OR2T11: variants seen among roughly 807,000 people sequenced by gnomAD.
OR2T11 encodes the protein olfactory receptor family 2 subfamily T member 11, also known as olfactory receptor 2T11.
Under a neutral mutation model 13.5 loss-of-function variants are expected in OR2T11, and 14 were observed. That is an observed-to-expected ratio of 1.04 (90% CI 0.69 to 1.62). The LOEUF (loss-of-function observed/expected upper bound fraction) is 1.62. Among genes scored for constraint, OR2T11 ranks in the 40% most tolerant of loss-of-function variants. The pLI is 0.00. For missense variants in OR2T11, 410 were observed against 389.7 expected (o/e 1.05, Z -0.44); for synonymous variants, 163 against 154.6 (o/e 1.05, Z -0.40).
chr1:248,627,261 C>G lies in OR2T11; in HGVS notation c.-133G>C, dbSNP rs865922528. The G allele has an allele frequency of 9.9e-5, 59 of 597,838 alleles. 6 individuals are homozygous for G. In the Middle Eastern group the frequency reaches 1.7e-3, roughly 17 times the overall value. The allele number at this position is 597,838 out of a possible 1,614,324, so 37.0% of individuals were successfully genotyped here. A position where few individuals can be genotyped will look rare whatever the true frequency, so the allele number is the denominator to read the frequency against. On this transcript the variant is annotated 5_prime_UTR_variant, in exon 2 of 2. Coordinates refer to ENST00000641193, the MANE Select transcript of OR2T11 (RefSeq NM_001001964.2). ...TGAGGGTACCGTCAGGATGAAGCTT[C>G]CAGGCTAGAGGCTAGAGAAGAACAG...
Position 248,626,614 on chromosome 1 carries a change from TTGA to T in OR2T11, c.512_514del (p.Ile171del). 6.4e-7 allele frequency: 1 copy of T among 1,573,414 alleles called. No individual in the cohort carries two copies. The highest frequency in any genetic ancestry group is 8.6e-7 in the Non-Finnish European group (1 of 1,156,842). The stretch of plus-strand genomic sequence containing the variant: ...TGCTGGGATCTCACAGAAAAAATGG[TTGA>T]TACTTCGGGAGCCACAGTAAGGGAC... On this transcript the variant is annotated inframe_deletion, in exon 2 of 2. Transcript: ENST00000641193.
At position 248,634,846 on chromosome 1, in the gene OR2T11, CTAAT is replaced by C. The variant is rs936977880; in HGVS notation, c.-145+188_-145+191del. 4.2e-5 allele frequency among the ~76,000 whole-genome samples: 6 copies of C among 143,992 alleles called. 1 individual carries two copies. The highest frequency in any genetic ancestry group is 1.4e-4 in the African/African-American group (5 of 36,730). The allele number at this position is 143,992 out of a possible 152,430, so 94.5% of individuals were successfully genotyped here. A position where few individuals can be genotyped will look rare whatever the true frequency, so the allele number is the denominator to read the frequency against. ...TTTTTCCTTTATGCTAAATAATTAT[CTAAT>C]TATCTTCAGTTTCTCTGATCATTCC... On this transcript the variant is annotated intron_variant, in intron 1 of 1. Transcript: ENST00000641193.
In OR2T11 at chr1:248,630,057, T is replaced by TGTAA. The variant is rs750010257; in HGVS notation, c.-144-2789_-144-2786dup. On this transcript the variant is annotated intron_variant, in intron 1 of 1. Coordinates refer to ENST00000641193, the MANE Select transcript of OR2T11 (RefSeq NM_001001964.2). ...CCATCTAAAGATACGACTGGCACAT[T>TGTAA]GTAAATCTTTGAATAAATCATTTTT... Among the ~76,000 whole-genome samples the TGTAA allele has an allele frequency of 2.9e-4, 42 of 143,094 alleles. 6 individuals carry two copies. The highest frequency in any genetic ancestry group is 5.7e-4 in the Non-Finnish European group (38 of 66,238). The allele number at this position is 143,094 out of a possible 152,430, so 93.9% of individuals were successfully genotyped here.
intron 1 of OR2T11, among the ~76,000 whole-genome samples, chr1:248,629,463 G>A (rs28729754): frequency 0.8 from 110,886 of 139,476 alleles, 48,867 homozygotes; most frequent in South Asian, 0.94. Flanking sequence ...CATGTCCATA[G>A]CTAGTAGGTG....
intron 1 of OR2T11, among the ~76,000 whole-genome samples, chr1:248,628,591 C>G (rs1237542405): frequency 1.4e-5 from 2 of 142,552 alleles, no homozygotes; most frequent in African/African-American, 5.6e-5. Context: ...AAAGGGTTCA[C>G]TGTACATCTG....
At position 248,627,187 on chromosome 1, in the gene OR2T11, AAG is replaced by A; in HGVS notation, c.-61_-60del. 9.9e-7 allele frequency: 1 copy of A among 1,008,598 alleles called. No homozygotes were observed. The highest frequency in any genetic ancestry group is 1.5e-6 in the Non-Finnish European group (1 of 671,336). The allele number at this position is 1,008,598 out of a possible 1,614,324, so 62.5% of individuals were successfully genotyped here. A position where few individuals can be genotyped will look rare whatever the true frequency, so the allele number is the denominator to read the frequency against. On this transcript the variant is annotated 5_prime_UTR_variant, in exon 2 of 2. Transcript: ENST00000641193. ...AAGACACAAGGACCAGGAAGGAGGCAAGAGAACACGGTCAAGATGGGAAAGGT... is the reference window on the plus strand; with the variant it reads ...AAGACACAAGGACCAGGAAGGAGGCAAGAACACGGTCAAGATGGGAAAGGT...
intron 1 of OR2T11, among the ~76,000 whole-genome samples, chr1:248,630,802 C>T (rs1660599329): frequency 7.0e-6 from 1 of 143,410 alleles, no homozygotes; most frequent in South Asian, 2.2e-4. Context: ...ATGTCTGGAA[C>T]CGATGAATAT....
rs1340427495 is a variant in OR2T11 at position 248,626,418 on chromosome 1, AGTG to A, written c.708_710del (p.Thr237del). ...TAACTACAGTCAAGTGGGAGGAACA[AGTG>A]GTGAAGGCCTTTTTGCGACCTTCAG... On this transcript the variant is annotated inframe_deletion, in exon 2 of 2. Transcript: ENST00000641193. 1.7e-5 allele frequency: 26 copies of A among 1,571,796 alleles called. 6 individuals carry two copies. In the East Asian group the frequency reaches 4.1e-4, roughly 25 times the overall value.
At chr1:248,632,551 A>G (rs4359056) in intron 1 of OR2T11, among the ~76,000 whole-genome samples, 128,353 of 136,640 alleles carry the variant, frequency 0.94, 62,022 homozygotes, top group East Asian at 1. Flanking sequence ...GATTATTCAC[A>G]ACTTGAGCCA....
At chr1:248,630,168 T>C (rs2103102966) in intron 1 of OR2T11, among the ~76,000 whole-genome samples, 1 of 143,378 alleles carries the variant, frequency 7.0e-6, no homozygotes, top group Non-Finnish European at 1.5e-5. Flanking sequence ...CTCCTGATTT[T>C]ATATAATGTG....
At position 248,626,407 on chromosome 1, in the gene OR2T11, TG is replaced by T; in HGVS notation, c.721del (p.His241ThrfsTer2). On this transcript the variant is annotated frameshift_variant, in exon 2 of 2. Transcript: ENST00000641193. LOFTEE classifies it high-confidence loss of function. ...RKKAFTTCSS[H>X]LTVVSIFYGA... ...ATAGAAGATGCTAACTACAGTCAAG[TG>T]GGAGGAACAAGTGGTGAAGGCCTTT... 6.4e-7 allele frequency: 1 copy of T among 1,571,418 alleles called. No homozygotes were observed. The highest frequency in any genetic ancestry group is 1.1e-5 in the South Asian group (1 of 88,858).
Position 248,624,481 on chromosome 1 carries a change from G to C in OR2T11, c.*1697C>G, listed in dbSNP as rs1312292149. ...CTTATTTCAACCATAGACTGCACTT[G>C]TTGCAGTTGCTTTTACTTTCTTTAA... On this transcript the variant is annotated 3_prime_UTR_variant, in exon 2 of 2. Transcript: ENST00000641193. 7.0e-6 allele frequency: 1 copy of C among 143,016 alleles called. No individual in the cohort carries two copies. Among genetic ancestry groups the C allele is most frequent in the Non-Finnish European group, 1.5e-5 (1 of 66,250 alleles). The allele number at this position is 143,016 out of a possible 1,614,324, so 8.9% of individuals were successfully genotyped here. A position where few individuals can be genotyped will look rare whatever the true frequency, so the allele number is the denominator to read the frequency against.
chr1:248,631,583 A>AAC (rs1660616250), intron 1 of OR2T11, among the ~76,000 whole-genome samples: 1 of 143,584 alleles, frequency 7.0e-6, no homozygotes, highest in South Asian at 2.2e-4. Flanking sequence ...AAAGGCCATA[A>AAC]ACACACCCAA....
At chr1:248,629,745 G>T (rs868133403) in intron 1 of OR2T11, among the ~76,000 whole-genome samples, 2 of 140,988 alleles carry the variant, frequency 1.4e-5, no homozygotes, top group African/African-American at 5.7e-5. Context: ...CTGCAGCGAC[G>T]GTGGCTTCCT....
chr1:248,634,770 T>A (rs1473431432), intron 1 of OR2T11, among the ~76,000 whole-genome samples: 218 of 143,050 alleles, frequency 1.5e-3, no homozygotes, highest in Middle Eastern at 6.9e-3. Flanking sequence ...TTGACAGGGA[T>A]GTTCTGTCAC....
chr1:248,634,921 G>A (rs1330000020), intron 1 of OR2T11, 117 bp downstream of exon 1: 1 of 144,658 alleles, frequency 6.9e-6, no homozygotes, highest in Non-Finnish European at 1.5e-5. Context: ...CAGTTAATAA[G>A]GTATGTAATA....
rs1284183301 is a variant in OR2T11 at position 248,625,941 on chromosome 1, A to ATTT, written c.*236_*237insAAA. On this transcript the variant is annotated 3_prime_UTR_variant, in exon 2 of 2. Transcript: ENST00000641193. The stretch of plus-strand genomic sequence containing the variant: ...ATTTGGGGTTTTTCTTCCCTAAATA[A>ATTT]AAAGACTAGATAAATTATTTAACTT... The ATTT allele has an allele frequency of 6.1e-5, 20 of 329,420 alleles. No homozygotes were observed. Among genetic ancestry groups the ATTT allele is most frequent in the Non-Finnish European group, 9.2e-5 (17 of 184,878 alleles). 20.4% of individuals were successfully genotyped at this position (329,420 alleles called of 1,614,324 possible).
At chr1:248,633,129 G>A (rs1660635188) in intron 1 of OR2T11, among the ~76,000 whole-genome samples, 1 of 104,710 alleles carries the variant, frequency 9.6e-6, no homozygotes, top group African/African-American at 4.1e-5. Context: ...AGATGAGTGG[G>A]CAATTTATTA....
Position 248,633,509 on chromosome 1 carries a change from G to A in OR2T11, c.-145+1529C>T, listed in dbSNP as rs575352701. Among the ~76,000 whole-genome samples the A allele has an allele frequency of 5.7e-5, 8 of 140,646 alleles. 1 individual carries two copies. Among genetic ancestry groups the A allele is most frequent in the Non-Finnish European group, 1.1e-4 (7 of 65,572 alleles). 92.3% of individuals were successfully genotyped at this position (140,646 alleles called of 152,430 possible). A position where few individuals can be genotyped will look rare whatever the true frequency, so the allele number is the denominator to read the frequency against. ...ATTATTTGCAAGCATCCCTGCCTTG[G>A]GCCAAAATTATATTATCCTTTCTCC... is the stretch of plus-strand genomic sequence containing the variant. On this transcript the variant is annotated intron_variant, in intron 1 of 1. Transcript: ENST00000641193.
Sources: allele counts gnomAD v4.1 joint callset (sites outside exome capture counted in the v4.1 genomes callset), GRCh38; gene constraint gnomAD v4.1.1; transcripts MANE v1.5; gene names NCBI Gene and HGNC (gene_info 2026-07-23, HGNC 2026-07-21).